The following PPP2R2B variants were observed in gnomAD, a reference collection of about 807,000 sequenced individuals.
PPP2R2B encodes the protein serine/threonine-protein phosphatase 2A 55 kDa regulatory subunit B beta isoform.
PPP2R2B carries 5 observed loss-of-function variants against 46.0 expected under a neutral mutation model. The observed-to-expected ratio is 0.11, with a 90% CI of 0.06 to 0.23. PPP2R2B has a LOEUF of 0.23. PPP2R2B is among the 10% of genes least tolerant of loss of function. PPP2R2B has a pLI of 1.00. For missense variants in PPP2R2B, 367 were observed against 575.0 expected (o/e 0.64, Z 3.70); for synonymous variants, 215 against 206.7 (o/e 1.04, Z -0.34).
chr5:146,941,049 A>T (rs1764306949), intron 1 of PPP2R2B, among the ~76,000 whole-genome samples: 1 of 152,196 alleles, frequency 6.6e-6, no homozygotes, highest in Non-Finnish European at 1.5e-5. Flanking sequence ...CACAATCAGA[A>T]GGAATGAGTT....
chr5:146,674,715 C>T (rs1229389188), intron 5 of PPP2R2B, among the ~76,000 whole-genome samples: 2 of 152,238 alleles, frequency 1.3e-5, no homozygotes, highest in East Asian at 3.9e-4. Flanking sequence ...CATGTGGCTC[C>T]CTTTCAATGT....
chr5:146,691,948 C>T (rs532946009), intron 4 of PPP2R2B, among the ~76,000 whole-genome samples: 1 of 152,310 alleles, frequency 6.6e-6, no homozygotes, highest in African/African-American at 2.4e-5. Flanking sequence ...TAATACCTAC[C>T]TAAAAATGCT....
chr5:146,936,739 C>A (rs965381169), intron 1 of PPP2R2B, among the ~76,000 whole-genome samples: 10 of 152,030 alleles, frequency 6.6e-5, no homozygotes, highest in African/African-American at 2.4e-4. Flanking sequence ...TATGTTAATA[C>A]TCTAACACAC....
intron 2 of PPP2R2B, among the ~76,000 whole-genome samples, chr5:146,835,870 G>T (rs1759249468): frequency 6.6e-6 from 1 of 152,116 alleles, no homozygotes; most frequent in South Asian, 2.1e-4. Context: ...CTGCATCAAA[G>T]ACATCTTGGA....
intron 2 of PPP2R2B, among the ~76,000 whole-genome samples, chr5:146,781,130 T>TTA (rs1172319293): frequency 6.7e-5 from 2 of 30,014 alleles, no homozygotes; most frequent in Admixed American, 5.0e-4. Context: ...AATGCCACCA[T>TTA]GATATATATA....
chr5:146,593,755 G>A (rs1770896564), intron 8 of PPP2R2B, among the ~76,000 whole-genome samples: 1 of 152,194 alleles, frequency 6.6e-6, no homozygotes, highest in South Asian at 2.1e-4. Flanking sequence ...CCTGGAGGGA[G>A]TGTGGTGGGA....
In PPP2R2B at chr5:146,583,419, A is replaced by G. The variant is rs1273625075; in HGVS notation, c.*6528T>C. The G allele has an allele frequency of 6.6e-6, 1 of 152,196 alleles. No homozygotes were observed. Among genetic ancestry groups the G allele is most frequent in the Admixed American group, 6.5e-5 (1 of 15,286 alleles). 9.4% of individuals were successfully genotyped at this position (152,196 alleles called of 1,614,324 possible). On this transcript the variant is annotated 3_prime_UTR_variant, in exon 10 of 10. Coordinates refer to ENST00000394411, the MANE Select transcript of PPP2R2B (RefSeq NM_181675.4). ...ATTTTATGAGATAGATGTCGTTTTT[A>G]TCCTTATCTCATAATGAGAAAATCG...
At chr5:146,889,350 T>G (rs1325315927) in intron 1 of PPP2R2B, among the ~76,000 whole-genome samples, 2 of 152,186 alleles carry the variant, frequency 1.3e-5, no homozygotes, top group Non-Finnish European at 2.9e-5. Context: ...CAGATGACCA[T>G]GTGACTTAGG....
intron 1 of PPP2R2B, among the ~76,000 whole-genome samples, chr5:147,055,006 C>T (rs935459524): frequency 6.6e-6 from 1 of 152,034 alleles, no homozygotes; most frequent in East Asian, 1.9e-4. Flanking sequence ...GCATAGCATG[C>T]TAGGTTAGAA....
chr5:146,989,384 A>G (rs997093590), intron 1 of PPP2R2B, among the ~76,000 whole-genome samples: 1 of 152,176 alleles, frequency 6.6e-6, no homozygotes, highest in African/African-American at 2.4e-5. Context: ...ACAACACATT[A>G]GAAAGATCAT....
chr5:146,744,892 C>A (rs1441708328), intron 2 of PPP2R2B, among the ~76,000 whole-genome samples: 3 of 152,030 alleles, frequency 2.0e-5, no homozygotes, highest in Non-Finnish European at 4.4e-5. Flanking sequence ...TTGCTCAGGG[C>A]CTCTGGGGGT....
At chr5:146,906,472 G>A (rs145085953) in intron 1 of PPP2R2B, among the ~76,000 whole-genome samples, 11 of 152,130 alleles carry the variant, frequency 7.2e-5, no homozygotes, top group Non-Finnish European at 1.3e-4. Flanking sequence ...ACAGGCATGC[G>A]CCACCACGCC....
intron 2 of PPP2R2B, among the ~76,000 whole-genome samples, chr5:146,826,788 C>G (rs1758606353): frequency 6.6e-6 from 1 of 152,154 alleles, no homozygotes; most frequent in Admixed American, 6.5e-5. Flanking sequence ...AGAACATTCA[C>G]AGATGGCTCC....
At chr5:146,687,408 T>C (rs1561833180) in intron 5 of PPP2R2B, among the ~76,000 whole-genome samples, 1 of 152,052 alleles carries the variant, frequency 6.6e-6, no homozygotes, top group Non-Finnish European at 1.5e-5. Context: ...ATTTGTTAAA[T>C]GGGCATTTTA....
chr5:147,056,565 C>T (rs1223320862), upstream of PPP2R2B, among the ~76,000 whole-genome samples: 4 of 152,140 alleles, frequency 2.6e-5, no homozygotes, highest in Admixed American at 6.5e-5. Context: ...GGAACTGACC[C>T]TTCATCAATC....
At chr5:146,813,624 C>T (rs1399561254) in intron 2 of PPP2R2B, among the ~76,000 whole-genome samples, 1 of 152,200 alleles carries the variant, frequency 6.6e-6, no homozygotes, top group African/African-American at 2.4e-5. Flanking sequence ...AATAAAACAC[C>T]TCCTTTTTAA....
At chr5:146,903,323 A>T (rs1762894770) in intron 1 of PPP2R2B, among the ~76,000 whole-genome samples, 1 of 140,450 alleles carries the variant, frequency 7.1e-6, no homozygotes, top group Non-Finnish European at 1.5e-5. Flanking sequence ...CAGACCAAAT[A>T]GTTTAAGAAA....
rs931657397 is a variant in PPP2R2B at position 146,850,993 on chromosome 5, C to T, written c.70+27009G>A. 1.3e-5 allele frequency among the ~76,000 whole-genome samples: 2 copies of T among 152,146 alleles called. 1 individual carries two copies. Among genetic ancestry groups the T allele is most frequent in the East Asian group, 3.9e-4 (2 of 5,174 alleles). On this transcript the variant is annotated intron_variant, in intron 2 of 9. Coordinates refer to ENST00000394411, the MANE Select transcript of PPP2R2B (RefSeq NM_181675.4). Reference sequence around the variant, plus strand: ...CACATAATAAATTTGATTGGTCACCCCAAGGATGAGTAAATAAACATCACT... The same window carrying T: ...CACATAATAAATTTGATTGGTCACCTCAAGGATGAGTAAATAAACATCACT...
intron 2 of PPP2R2B, among the ~76,000 whole-genome samples, chr5:146,823,365 T>A (rs1758386912): frequency 6.6e-6 from 1 of 151,552 alleles, no homozygotes; most frequent in East Asian, 1.9e-4. Context: ...GCCCGCCTAA[T>A]TTTTTTTATT....
Sources: allele counts gnomAD v4.1 joint callset (sites outside exome capture counted in the v4.1 genomes callset), GRCh38; gene constraint gnomAD v4.1.1; transcripts MANE v1.5; gene names NCBI Gene and HGNC (gene_info 2026-07-23, HGNC 2026-07-21).